SPNS3: variants seen among roughly 807,000 people sequenced by gnomAD.
SPNS3 encodes protein spinster homolog 3.
A neutral mutation model predicts 54.4 loss-of-function variants in SPNS3; 51 were observed. That is an observed-to-expected ratio of 0.94 (90% CI 0.75 to 1.18). SPNS3 has a LOEUF of 1.18. Among genes scored for constraint, SPNS3 ranks in the 50% most tolerant of loss-of-function variants. The pLI is 0.00. For synonymous variants in SPNS3, 309 were observed against 294.7 expected, an observed-to-expected ratio of 1.05 and a Z score of -0.50; for missense variants, 669 against 677.4, an observed-to-expected ratio of 0.99 and a Z score of 0.14.
At chr17:4,444,771 G>T (rs1970938327) in intron 2 of SPNS3, among the ~76,000 whole-genome samples, 1 of 152,146 alleles carries the variant, frequency 6.6e-6, no homozygotes, top group Non-Finnish European at 1.5e-5. Flanking sequence ...GACCTCTCCA[G>T]TGTTGGGGTG....
At chr17:4,468,914 G>A (rs1325296966) in intron 8 of SPNS3, among the ~76,000 whole-genome samples, 4 of 151,156 alleles carry the variant, frequency 2.6e-5, no homozygotes, top group East Asian at 2.0e-4. Context: ...TCAGCCTCCC[G>A]AGTAGCTGGG....
rs188467854 is a variant in SPNS3 at position 4,478,722 on chromosome 17, G to A, written c.1179+85G>A. On this transcript the variant is annotated intron_variant, in intron 9 of 11. Coordinates refer to ENST00000355530, the MANE Select transcript of SPNS3 (RefSeq NM_182538.5). ...TGCTGCTGAGCAGCTGGGCACTGGC[G>A]GCGACATCAGAGACCATACATTAGG... The A allele has an allele frequency of 9.6e-3, 13,349 of 1,388,206 alleles. 90 individuals carry two copies. Among genetic ancestry groups the A allele is most frequent in the Non-Finnish European group, 0.012 (12,271 of 1,001,764 alleles). 86.0% of individuals were successfully genotyped at this position (1,388,206 alleles called of 1,614,324 possible). A position where few individuals can be genotyped will look rare whatever the true frequency, so the allele number is the denominator to read the frequency against.
At chr17:4,463,611 C>T (rs766271310) in intron 8 of SPNS3, among the ~76,000 whole-genome samples, 13 of 151,492 alleles carry the variant, frequency 8.6e-5, no homozygotes, top group South Asian at 2.1e-4. Context: ...TGGCGGCATG[C>T]GCCTTTAATC....
At chr17:4,471,070 A>G (rs1187393595) in intron 8 of SPNS3, among the ~76,000 whole-genome samples, 2 of 152,160 alleles carry the variant, frequency 1.3e-5, no homozygotes. Context: ...GATTATAGGC[A>G]TGCGACACCA....
chr17:4,455,865 G>A (rs375048147), intron 8 of SPNS3, among the ~76,000 whole-genome samples: 2 of 152,158 alleles, frequency 1.3e-5, no homozygotes, highest in Non-Finnish European at 2.9e-5. Context: ...TTTAGCCAGC[G>A]TCCAGTCAGG....
At chr17:4,455,387 C>A (rs1490092851) in intron 8 of SPNS3, among the ~76,000 whole-genome samples, 1 of 152,232 alleles carries the variant, frequency 6.6e-6, no homozygotes, top group Non-Finnish European at 1.5e-5. Context: ...TGAGAACAGG[C>A]CAAGTATTGC....
intron 8 of SPNS3, among the ~76,000 whole-genome samples, chr17:4,463,437 G>A (rs1236791643): frequency 6.8e-6 from 1 of 147,480 alleles, no homozygotes; most frequent in Non-Finnish European, 1.5e-5. Flanking sequence ...AACCAAACCT[G>A]AATATACTAG....
intron 1 of SPNS3, among the ~76,000 whole-genome samples, chr17:4,438,645 C>T (rs1380794802): frequency 6.6e-6 from 1 of 152,216 alleles, no homozygotes; most frequent in African/African-American, 2.4e-5. Flanking sequence ...GCGTGCAAGC[C>T]AGGACACGTT....
chr17:4,446,176 C>T lies in SPNS3; in HGVS notation c.531C>T (p.Phe177=), dbSNP rs767409120. The T allele has an allele frequency of 6.2e-7, 1 of 1,612,352 alleles. No homozygotes were observed. The change falls in exon 4 of 12, where the codon TTC becomes TTT. Residue 177 remains phenylalanine, a synonymous_variant. Coordinates refer to ENST00000355530, the MANE Select transcript of SPNS3 (RefSeq NM_182538.5). ...RDQRTRVLAV[F]YIFIPVGSGL... ...AGCGCACCCGCGTGCTGGCTGTCTT[C>T]TACATCTTTATCCCCGTTGGAAGGT... is the stretch of plus-strand genomic sequence containing the variant.
chr17:4,458,358 CCTCT>C (rs373077764), intron 8 of SPNS3, among the ~76,000 whole-genome samples: 1 of 138,224 alleles, frequency 7.2e-6, no homozygotes, highest in African/African-American at 2.5e-5. Flanking sequence ...CCTTCCTCTC[CCTCT>C]CTCTCTCCCT....
chr17:4,482,628 C>T (rs1257815270), intron 9 of SPNS3: 2 of 152,248 alleles, frequency 1.3e-5, no homozygotes, highest in African/African-American at 4.8e-5. Context: ...ACAGCCAAGA[C>T]CCACCTCTGC....
At chr17:4,465,566 A>G (rs542764574) in intron 8 of SPNS3, among the ~76,000 whole-genome samples, 8 of 152,262 alleles carry the variant, frequency 5.3e-5, no homozygotes, top group Admixed American at 5.2e-4. Flanking sequence ...CGAGGCTACA[A>G]AAATACAAAA....
intron 8 of SPNS3, among the ~76,000 whole-genome samples, chr17:4,459,705 T>A (rs1309015256): frequency 6.6e-6 from 1 of 152,102 alleles, no homozygotes; most frequent in Non-Finnish European, 1.5e-5. Context: ...AGAGCGAGAC[T>A]CCATGTCTAA....
intron 9 of SPNS3, chr17:4,482,474 A>C (rs914940341): frequency 8.6e-5 from 13 of 152,020 alleles, no homozygotes; most frequent in African/African-American, 3.1e-4. Context: ...CTCACGCCGC[A>C]AGCTCCCCAG....
chr17:4,448,058 G>C lies in SPNS3; in HGVS notation c.622-97G>C. The stretch of plus-strand genomic sequence containing the variant: ...TACCCCCAGGGCTTGGAAACCAGAG[G>C]TCAGCCACTGGCTGATACTGTGGCC... On this transcript the variant is annotated intron_variant, in intron 5 of 11. Transcript: ENST00000355530. 3.2e-6 allele frequency: 4 copies of C among 1,266,338 alleles called. 1 individual carries two copies. Among genetic ancestry groups the C allele is most frequent in the East Asian group, 5.8e-5 (2 of 34,526 alleles). 78.4% of individuals were successfully genotyped at this position (1,266,338 alleles called of 1,614,324 possible). A position where few individuals can be genotyped will look rare whatever the true frequency, so the allele number is the denominator to read the frequency against.
intron 8 of SPNS3, among the ~76,000 whole-genome samples, chr17:4,454,413 T>C (rs1469443886): frequency 3.9e-5 from 6 of 152,228 alleles, no homozygotes. Flanking sequence ...ACAGATGCGC[T>C]TGCACATGTT....
In SPNS3 at chr17:4,446,976, C is replaced by T; in HGVS notation, c.621+14C>T. 2.5e-6 allele frequency: 4 copies of T among 1,613,938 alleles called. No individual in the cohort carries two copies. Among genetic ancestry groups the T allele is most frequent in the Non-Finnish European group, 3.4e-6 (4 of 1,179,880 alleles). On this transcript the variant is annotated intron_variant, in intron 5 of 11. Coordinates refer to ENST00000355530, the MANE Select transcript of SPNS3 (RefSeq NM_182538.5). ...TGGGCCCTCCGAGTGAGTCCAGCTT[C>T]CTTTTCTTCCCTCTGCTTTCCCTCT...
intron 6 of SPNS3, 31 bp from the exon 7 acceptor site, chr17:4,449,204 C>A (rs1044385237): frequency 2.1e-5 from 34 of 1,604,838 alleles, no homozygotes; most frequent in Middle Eastern, 3.3e-4. Flanking sequence ...CAGCCCTCTC[C>A]CAACTCCAGC....
intron 8 of SPNS3, among the ~76,000 whole-genome samples, chr17:4,460,892 T>C (rs1971480855): frequency 6.6e-6 from 1 of 152,204 alleles, no homozygotes; most frequent in East Asian, 1.9e-4. Context: ...TGTTCCTTCC[T>C]CTTCTGTTTT....
Sources: gnomAD v4.1 joint callset for allele counts (sites outside exome capture counted in the v4.1 genomes callset) on GRCh38, gnomAD v4.1.1 for gene constraint, MANE v1.5 for transcripts, NCBI Gene and HGNC (gene_info 2026-07-23, HGNC 2026-07-21) for gene names.